The following MTMR10 variants were observed in gnomAD, a reference collection of about 807,000 sequenced individuals.
MTMR10 encodes the protein myotubularin related protein 10.
A neutral mutation model predicts 88.1 loss-of-function variants in MTMR10; 56 were observed. That is an observed-to-expected ratio of 0.64 (90% confidence interval 0.51 to 0.79). The LOEUF (loss-of-function observed/expected upper bound fraction) is 0.79. Among genes scored for constraint, MTMR10 ranks in the 30% least tolerant of loss-of-function variants. The probability of loss-of-function intolerance (pLI) is 0.00; values close to 1 mark genes in which losing one functional copy is unlikely to be tolerated. For missense variants in MTMR10, 883 were observed against 924.7 expected (o/e 0.95, Z 0.58); for synonymous variants, 380 against 340.9 (o/e 1.11, Z -1.26).
chr15:30,920,630 C>G, the MTMR10 span: 1 of 1,608,818 alleles, frequency 6.2e-7, no homozygotes, highest in South Asian at 1.1e-5. Context: ...TGTGGAAATA[C>G]TGCAGAGACT....
At chr15:30,943,220 G>C (rs1427250946) in intron 14 of MTMR10, 148 bp from the exon 15 acceptor site, 7 of 1,399,910 alleles carry the variant, frequency 5.0e-6, no homozygotes, top group Non-Finnish European at 6.5e-6. Context: ...CTTCAAGAGA[G>C]GAGACGCTCC....
At chr15:30,927,598 G>T in the MTMR10 span, 1 of 985,452 alleles carries the variant, frequency 1.0e-6, no homozygotes, top group African/African-American at 1.7e-5. Flanking sequence ...ACGCAGATGG[G>T]TTGGGGCCTG....
the MTMR10 span, among the ~76,000 whole-genome samples, chr15:30,932,711 C>T: frequency 1.9e-5 from 2 of 103,258 alleles, no homozygotes; most frequent in African/African-American, 7.2e-5. Flanking sequence ...ATATTTGTTT[C>T]TTTTCTTTTT....
At chr15:30,954,641 A>G (rs2063296692) in intron 10 of MTMR10, 122 bp downstream of exon 10, 3 of 1,009,584 alleles carry the variant, frequency 3.0e-6, no homozygotes, top group African/African-American at 1.7e-5. Context: ...ATTTGTACAA[A>G]TAGTTCCATA....
intron 15 of MTMR10, 51 bp downstream of exon 15, chr15:30,942,839 G>GC: frequency 6.8e-7 from 1 of 1,481,434 alleles, no homozygotes; most frequent in Non-Finnish European, 9.1e-7. Flanking sequence ...CTGAAAAAGA[G>GC]GTGTTTGGTT....
intron 6 of MTMR10, among the ~76,000 whole-genome samples, chr15:30,961,700 CTCTAGCTACT>C (rs1350221801): frequency 1.3e-5 from 2 of 152,330 alleles, no homozygotes; most frequent in East Asian, 3.9e-4. Context: ...CGCCGGACCA[CTCTAGCTACT>C]ATGCTATACA....
chr15:30,965,759 G>T (rs1463537510), intron 6 of MTMR10: 2 of 297,394 alleles, frequency 6.7e-6, no homozygotes, highest in Non-Finnish European at 1.3e-5. Context: ...ATGTGATACT[G>T]AATATGAATG....
chr15:30,939,193 AAAGT>A lies in MTMR10; in HGVS notation c.*2273_*2276del. Reference sequence around the variant, plus strand: ...ACAAATTAATATCCTTTCCTTAAATAAAGTTAGTTAGCTATTTTTGGTTTCAAAA... The same window carrying A: ...ACAAATTAATATCCTTTCCTTAAATATAGTTAGCTATTTTTGGTTTCAAAA... On this transcript the variant is annotated 3_prime_UTR_variant, in exon 16 of 16. Transcript: ENST00000435680. 1.0e-6 allele frequency: 1 copy of A among 985,428 alleles called. No individual in the cohort carries two copies. Among genetic ancestry groups the A allele is most frequent in the Non-Finnish European group, 1.2e-6 (1 of 829,898 alleles). 61.0% of individuals were successfully genotyped at this position (985,428 alleles called of 1,614,324 possible).
At chr15:30,926,074 T>C in the MTMR10 span, 1 of 862,308 alleles carries the variant, frequency 1.2e-6, no homozygotes, top group African/African-American at 1.7e-5. Context: ...GGCTGGGGGA[T>C]GTCTTCCTAT....
intron 6 of MTMR10, among the ~76,000 whole-genome samples, chr15:30,964,210 A>G (rs1247295319): frequency 6.6e-6 from 1 of 152,258 alleles, no homozygotes; most frequent in Admixed American, 6.5e-5. Context: ...CCACCAAAAA[A>G]GAATTATAAA....
intron 2 of MTMR10, among the ~76,000 whole-genome samples, chr15:30,986,377 G>A (rs1327948159): frequency 1.3e-5 from 2 of 151,566 alleles, no homozygotes; most frequent in Non-Finnish European, 2.9e-5. Flanking sequence ...TGTTCTCTGT[G>A]TGAGTGCTCA....
chr15:30,944,009 C>T (rs970797854), intron 14 of MTMR10: 18 of 984,736 alleles, frequency 1.8e-5, no homozygotes, highest in Non-Finnish European at 2.2e-5. Context: ...CAGTACTCTC[C>T]AAATTTTCTA....
At chr15:30,978,462 A>G (rs955001817) in intron 2 of MTMR10, among the ~76,000 whole-genome samples, 1 of 152,212 alleles carries the variant, frequency 6.6e-6, no homozygotes, top group Non-Finnish European at 1.5e-5. Context: ...GTTCTAGATA[A>G]GAGAAACTAG....
chr15:30,940,297 G>C lies in MTMR10; in HGVS notation c.*1173C>G. On this transcript the variant is annotated 3_prime_UTR_variant, in exon 16 of 16. Transcript: ENST00000435680. ...AAATACTTTACTTTAGAGAGATTCA[G>C]ATCAAGCAAACAACTGTGTCTGCTC... The C allele has an allele frequency of 2.0e-6, 2 of 985,406 alleles. No homozygotes were observed. Among genetic ancestry groups the C allele is most frequent in the Non-Finnish European group, 2.4e-6 (2 of 829,938 alleles). The allele number at this position is 985,406 out of a possible 1,614,324, so 61.0% of individuals were successfully genotyped here.
chr15:30,961,018 A>ACCT lies in MTMR10; in HGVS notation c.618_620dup (p.Gly207dup), dbSNP rs754775618. 7.2e-4 allele frequency: 1,127 copies of ACCT among 1,564,034 alleles called. 2 individuals carry two copies. The highest frequency in any genetic ancestry group is 8.1e-4 in the East Asian group (34 of 42,194). The stretch of plus-strand genomic sequence containing the variant: ...GGCTGCTGCCACCACCAGCTCCATT[A>ACCT]CCTCCTCCTCCTCCTCCTCCTCCAT... On this transcript the variant is annotated inframe_insertion, in exon 7 of 16. Transcript: ENST00000435680.
intron 15 of MTMR10, 98 bp from the exon 16 acceptor site, chr15:30,942,170 T>C: frequency 1.4e-6 from 2 of 1,382,574 alleles, no homozygotes; most frequent in Non-Finnish European, 2.0e-6. Context: ...GAAAAATTAA[T>C]GGAATTTCAG....
rs11293 is a variant in MTMR10 at position 30,942,778 on chromosome 15, G to A, written c.1731+112C>T. ...AAAGGGAATGACCCCTCAGAAACCC[G>A]CATTAGCAGTGTTACTCTTGGAAGT... On this transcript the variant is annotated intron_variant, in intron 15 of 15. Coordinates refer to ENST00000435680, the MANE Select transcript of MTMR10 (RefSeq NM_017762.3). The A allele has an allele frequency of 0.3, 334,829 of 1,107,298 alleles. 53,788 individuals are homozygous for A. The highest frequency in any genetic ancestry group is 0.33 in the Non-Finnish European group (266,708 of 799,716). 68.6% of individuals were successfully genotyped at this position (1,107,298 alleles called of 1,614,324 possible).
the MTMR10 span, chr15:30,927,651 A>T: frequency 1.0e-6 from 1 of 985,604 alleles, no homozygotes; most frequent in Non-Finnish European, 1.2e-6. Context: ...TGCTGCCAGT[A>T]CTGGCATGTC....
At chr15:30,977,894 T>C (rs896124502) in intron 2 of MTMR10, among the ~76,000 whole-genome samples, 2 of 152,236 alleles carry the variant, frequency 1.3e-5, no homozygotes, top group Admixed American at 6.5e-5. Context: ...AAGGCTAGTT[T>C]TAGTAACTGC....
Sources: allele counts gnomAD v4.1 joint callset (sites outside exome capture counted in the v4.1 genomes callset), GRCh38; gene constraint gnomAD v4.1.1; transcripts MANE v1.5; gene names NCBI Gene and HGNC (gene_info 2026-07-23, HGNC 2026-07-21).